FAT1: variants seen among roughly 807,000 people sequenced by gnomAD.
FAT1 encodes the protein protocadherin Fat 1.
FAT1 carries 171 observed loss-of-function variants against 329.8 expected under a neutral mutation model. That is an observed-to-expected ratio of 0.52 (90% confidence interval 0.46 to 0.59). The LOEUF is 0.59. Ranked by LOEUF, FAT1 falls within the 20% of genes least tolerant of loss-of-function variation. The pLI is 0.00. For missense variants in FAT1, 5,672 were observed against 5,774.4 expected (o/e 0.98, Z 0.57); for synonymous variants, 2,233 against 2,228.6 (o/e 1.00, Z -0.06).
In FAT1 at chr4:186,709,307, G is replaced by A. The variant is rs770823750; in HGVS notation, c.521C>T (p.Thr174Met). The A allele has an allele frequency of 1.2e-5, 20 of 1,613,810 alleles. No individual in the cohort carries two copies. The highest frequency in any genetic ancestry group is 1.6e-4 in the Middle Eastern group (1 of 6,084). ...IRTSIARVSA[T>M]DADIGTNGEF... Reference sequence around the variant, plus strand: ...CCCGTTGGTTCCTATGTCTGCATCCGTGGCGCTGACTCTTGCGATACTGGT... The same window carrying A: ...CCCGTTGGTTCCTATGTCTGCATCCATGGCGCTGACTCTTGCGATACTGGT... The change falls in exon 2 of 27, where the codon ACG becomes ATG. Residue 174 changes from threonine to methionine, a missense_variant. Coordinates refer to ENST00000441802, the MANE Select transcript of FAT1 (RefSeq NM_005245.4).
chr4:186,692,519 A>G (rs187071493), intron 2 of FAT1, among the ~76,000 whole-genome samples: 1,869 of 152,154 alleles, frequency 0.012, 41 homozygotes, highest in African/African-American at 0.043. Flanking sequence ...TCACCGTGTT[A>G]GCCAGGATGG....
At chr4:186,692,435 C>T (rs1303424750) in intron 2 of FAT1, among the ~76,000 whole-genome samples, 1 of 152,132 alleles carries the variant, frequency 6.6e-6, no homozygotes, top group Non-Finnish European at 1.5e-5. Flanking sequence ...GCCTCAGCCT[C>T]CCGAGTAGCT....
At chr4:186,597,221 G>A (rs752274557) in intron 24 of FAT1, 50 bp from the exon 25 acceptor site, 13 of 1,498,280 alleles carry the variant, frequency 8.7e-6, no homozygotes, top group African/African-American at 4.2e-5. Flanking sequence ...ATACGCCAGC[G>A]TATGTCAGGC....
chr4:186,620,588 C>A lies in FAT1; in HGVS notation c.5998G>T (p.Val2000Phe), dbSNP rs1295059136. ...ENSTEAETLA[V>F]ITAIGNPINE... The stretch of plus-strand genomic sequence containing the variant: ...ATTGGATTCCCAATAGCAGTAATGA[C>A]AGCTAATGTTTCGGCCTCGGTGGAA... Residue 2000 changes from valine to phenylalanine, a missense_variant, in exon 10 of 27, where the codon GTC (valine) becomes TTC (phenylalanine). By Grantham distance (50) the Val-to-Phe change is conservative. Coordinates refer to ENST00000441802, the MANE Select transcript of FAT1 (RefSeq NM_005245.4). 1 of 1,613,990 alleles carries A rather than the reference C, an allele frequency of 6.2e-7. No homozygotes were observed. Among genetic ancestry groups the A allele is most frequent in the Non-Finnish European group, 8.5e-7 (1 of 1,179,898 alleles).
rs2126517038 is a variant in FAT1 at position 186,620,581 on chromosome 4, G to C, written c.6005C>G (p.Thr2002Ser). ...STEAETLAVI[T>S]AIGNPINEPL... ...CTCATTGATTGGATTCCCAATAGCA[G>C]TAATGACAGCTAATGTTTCGGCCTC... The change falls in exon 10 of 27, where the codon ACT becomes AGT. Residue 2002 changes from threonine to serine, a missense_variant. By Grantham distance (58) the Thr-to-Ser change is moderately conservative. This residue lies in a region of FAT1 where 3,966 missense variants were observed against 3,915.2 expected (regional missense o/e 1.01). Transcript: ENST00000441802. The C allele has an allele frequency of 6.2e-7, 1 of 1,614,034 alleles. No individual in the cohort carries two copies. Among genetic ancestry groups the C allele is most frequent in the Non-Finnish European group, 8.5e-7 (1 of 1,179,894 alleles).
intron 2 of FAT1, among the ~76,000 whole-genome samples, chr4:186,702,062 G>A (rs1043328947): frequency 6.6e-6 from 1 of 151,590 alleles, no homozygotes; most frequent in African/African-American, 2.4e-5. Context: ...ACAGGGATGA[G>A]GCCAGGAGCC....
At chr4:186,608,838 A>G (rs1579311689) in intron 16 of FAT1, among the ~76,000 whole-genome samples, 1 of 152,302 alleles carries the variant, frequency 6.6e-6, no homozygotes, top group South Asian at 2.1e-4. Context: ...TGTCCATGCA[A>G]TTCCTCGCTG....
chr4:186,665,925 C>T (rs951814414), intron 2 of FAT1, among the ~76,000 whole-genome samples: 2 of 151,440 alleles, frequency 1.3e-5, no homozygotes, highest in African/African-American at 4.9e-5. Context: ...TCTCAGCAAA[C>T]TATCGCAAGG....
chr4:186,599,720 G>A (rs548976567), intron 22 of FAT1, among the ~76,000 whole-genome samples, 178 bp downstream of exon 22: 1 of 152,280 alleles, frequency 6.6e-6, no homozygotes, highest in African/African-American at 2.4e-5. Context: ...GGCACCAGAA[G>A]GGCAGCAGAC....
Position 186,596,371 on chromosome 4 carries a change from T to G in FAT1, c.13000+169A>C, listed in dbSNP as rs1278218314. On this transcript the variant is annotated intron_variant, in intron 25 of 26. Transcript: ENST00000441802. This position sits in a 1 kb window ranked among gnomAD's most constrained non-coding sequence, Gnocchi z 4.7. ...AATTAAAATAACATCAAAGCCACAATGCTAACCCAGCAATCGGGACATCCA... is the reference window on the plus strand; with the variant it reads ...AATTAAAATAACATCAAAGCCACAAGGCTAACCCAGCAATCGGGACATCCA... 4.6e-5 allele frequency among the ~76,000 whole-genome samples: 7 copies of G among 152,204 alleles called. No individual in the cohort carries two copies. The highest frequency in any genetic ancestry group is 1.0e-4 in the Non-Finnish European group (7 of 68,034).
chr4:186,682,285 G>A (rs1006914928), intron 2 of FAT1, among the ~76,000 whole-genome samples: 2 of 152,144 alleles, frequency 1.3e-5, no homozygotes, highest in African/African-American at 4.8e-5. Context: ...CTAGCACTTT[G>A]GGAGACTAAG....
At chr4:186,672,752 C>A (rs1742790124) in intron 2 of FAT1, among the ~76,000 whole-genome samples, 1 of 152,196 alleles carries the variant, frequency 6.6e-6, no homozygotes, top group Non-Finnish European at 1.5e-5. Context: ...TGGGATTCAA[C>A]CCTAAAAGTC....
intron 19 of FAT1, 56 bp downstream of exon 19, chr4:186,603,120 C>A: frequency 1.2e-6 from 2 of 1,608,076 alleles, no homozygotes. Context: ...TCAAAGGCTT[C>A]AAAGGCCGTC....
In FAT1 at chr4:186,619,568, C is replaced by A. The variant is rs1343266664; in HGVS notation, c.7018G>T (p.Gly2340Cys). ...AGGGTTCTGAGTAGTGAGATGAGGC[C>A]AGTGCTGCTGTCTACATGAAAATGA... ...HDHFHVDSSTGLISLLRTLDY... is the reference protein window; with the variant it reads ...HDHFHVDSSTCLISLLRTLDY... The change falls in exon 10 of 27, where the codon GGC (glycine) becomes TGC (cysteine). Residue 2340 changes from glycine (G) to cysteine (C), a missense_variant. Transcript: ENST00000441802. 6.2e-7 allele frequency: 1 copy of A among 1,613,932 alleles called. No homozygotes were observed. Among genetic ancestry groups the A allele is most frequent in the Non-Finnish European group, 8.5e-7 (1 of 1,179,890 alleles).
Position 186,708,155 on chromosome 4 carries a change from G to A in FAT1, c.1673C>T (p.Thr558Ile), listed in dbSNP as rs751369384. The A allele has an allele frequency of 4.6e-5, 74 of 1,613,846 alleles. No individual in the cohort carries two copies. The highest frequency in any genetic ancestry group is 6.3e-5 in the Non-Finnish European group (74 of 1,179,894). The change falls in exon 2 of 27, where the codon ACT becomes ATT. Residue 558 changes from threonine to isoleucine, a missense_variant. Physicochemically the swap from Thr to Ile is moderately conservative, Grantham distance 89. Coordinates refer to ENST00000441802, the MANE Select transcript of FAT1 (RefSeq NM_005245.4). ...RREVEVLATI[T>I]LNNLNDNTPL... ...TGTGTTGTCATTCAAGTTATTGAGA[G>A]TAATTGTAGCAAGGACTTCGACTTC... is the stretch of plus-strand genomic sequence containing the variant.
At chr4:186,607,856 T>C (rs1456173982) in intron 16 of FAT1, among the ~76,000 whole-genome samples, 2 of 152,112 alleles carry the variant, frequency 1.3e-5, no homozygotes, top group Non-Finnish European at 2.9e-5. Flanking sequence ...TATTTGTTCA[T>C]ATTTATCTCA....
intron 6 of FAT1, among the ~76,000 whole-genome samples, chr4:186,635,147 G>C (rs926061063): frequency 2.0e-5 from 3 of 152,156 alleles, no homozygotes; most frequent in Non-Finnish European, 2.9e-5. Flanking sequence ...GGCCTGACAT[G>C]CCCAGTGGTC....
intron 3 of FAT1, among the ~76,000 whole-genome samples, chr4:186,652,034 G>A (rs1741688613): frequency 6.6e-6 from 1 of 152,172 alleles, no homozygotes; most frequent in African/African-American, 2.4e-5. Context: ...GAGTTCCAAA[G>A]AAAACACTAA....
Position 186,589,096 on chromosome 4 carries a change from A to T in FAT1, c.13263T>A (p.Asp4421Glu), listed in dbSNP as rs2126355851. 1 of 1,613,990 alleles carries T rather than the reference A, an allele frequency of 6.2e-7. No individual in the cohort carries two copies. Among genetic ancestry groups the T allele is most frequent in the South Asian group, 1.1e-5 (1 of 91,072 alleles). ...CGTAGCCTCCAGGGTAATAGTCCGT[A>T]TCGATGGCGTTTGGATCTGCTGAGT... ...PLYSADPNAI[D>E]TDYYPGGYDI... The change falls in exon 27 of 27, where the codon GAT becomes GAA. Residue 4421 changes from aspartate (D) to glutamate (E), a missense_variant. Asp to Glu is a conservative substitution (Grantham distance 45). Coordinates refer to ENST00000441802, the MANE Select transcript of FAT1 (RefSeq NM_005245.4).
Sources: gnomAD v4.1 joint callset for allele counts (sites outside exome capture counted in the v4.1 genomes callset) on GRCh38, gnomAD v4.1.1 for gene constraint, gnomAD v4.1.1 regional missense constraint, Gnocchi (gnomAD v3.1) non-coding constraint, MANE v1.5 for transcripts, NCBI Gene and HGNC (gene_info 2026-07-23, HGNC 2026-07-21) for gene names.